C8orf34: variants seen among roughly 807,000 people sequenced by gnomAD.
C8orf34 encodes the protein chromosome 8 open reading frame 34, also known as uncharacterized protein C8orf34.
C8orf34 carries 65 observed loss-of-function variants against 68.3 expected under a neutral mutation model. That is an observed-to-expected ratio of 0.95 (90% CI 0.78 to 1.17). The LOEUF (loss-of-function observed/expected upper bound fraction) is 1.17. Ranked by LOEUF, C8orf34 falls within the 50% of genes most tolerant of loss-of-function variation. The pLI is 0.00. For missense variants in C8orf34, 664 were observed against 655.4 expected (o/e 1.01, Z -0.14); for synonymous variants, 244 against 241.2 (o/e 1.01, Z -0.11).
chr8:68,508,501 A>T (rs978003389), intron 5 of C8orf34, among the ~76,000 whole-genome samples: 1 of 152,184 alleles, frequency 6.6e-6, no homozygotes, highest in African/African-American at 2.4e-5. Flanking sequence ...GTACTAATTT[A>T]CTCCAAAACT....
intron 12 of C8orf34, chr8:68,791,378 C>G (rs747704135): frequency 1.3e-5 from 2 of 156,846 alleles, no homozygotes; most frequent in Non-Finnish European, 2.8e-5. Context: ...CCACCAGGCC[C>G]CTCTTCTGAC....
At chr8:68,725,104 C>A (rs1300029355) in intron 10 of C8orf34, among the ~76,000 whole-genome samples, 1 of 152,134 alleles carries the variant, frequency 6.6e-6, no homozygotes, top group Non-Finnish European at 1.5e-5. Flanking sequence ...TGGATTCAGG[C>A]AATCCTCCTT....
chr8:68,757,940 TA>T (rs1410055391), intron 10 of C8orf34, among the ~76,000 whole-genome samples: 1 of 152,186 alleles, frequency 6.6e-6, no homozygotes, highest in Non-Finnish European at 1.5e-5. Context: ...TTGAGATATG[TA>T]AAGTGCTTAA....
chr8:68,534,583 G>A (rs544535383), intron 7 of C8orf34: 3 of 962,388 alleles, frequency 3.1e-6, no homozygotes, highest in African/African-American at 3.5e-5. Flanking sequence ...GTTTCCTAGA[G>A]AAGCCGATTA....
chr8:68,417,337 G>A (rs1446060150), intron 1 of C8orf34, among the ~76,000 whole-genome samples: 1 of 151,918 alleles, frequency 6.6e-6, no homozygotes, highest in Non-Finnish European at 1.5e-5. Context: ...ATGCAAAATG[G>A]ACCATATATT....
chr8:68,550,854 G>A (rs533571568), intron 7 of C8orf34, among the ~76,000 whole-genome samples: 2 of 150,810 alleles, frequency 1.3e-5, no homozygotes, highest in East Asian at 3.9e-4. Context: ...GAAGTCAAAT[G>A]TAATTCTTAT....
chr8:68,537,209 G>A (rs934752089), intron 7 of C8orf34, among the ~76,000 whole-genome samples: 21 of 152,038 alleles, frequency 1.4e-4, no homozygotes, highest in African/African-American at 5.1e-4. Context: ...TTAAAAAGGA[G>A]AGAGAGGGAG....
chr8:68,423,479 A>C (rs1450090727), intron 1 of C8orf34, among the ~76,000 whole-genome samples: 1 of 152,146 alleles, frequency 6.6e-6, no homozygotes, highest in East Asian at 1.9e-4. Context: ...TTTTGGTCAA[A>C]GCCATTCAAC....
chr8:68,624,622 G>A (rs1393511392), intron 7 of C8orf34, among the ~76,000 whole-genome samples: 1 of 152,154 alleles, frequency 6.6e-6, no homozygotes, highest in African/African-American at 2.4e-5. Context: ...ATGGTGTTGT[G>A]ATCATTCACT....
chr8:68,461,442 G>A (rs1266376818), intron 3 of C8orf34, among the ~76,000 whole-genome samples: 6 of 152,194 alleles, frequency 3.9e-5, no homozygotes, highest in Admixed American at 6.5e-5. Flanking sequence ...TACTGAGAAC[G>A]CCACAAAGAT....
intron 5 of C8orf34, among the ~76,000 whole-genome samples, chr8:68,496,759 A>G (rs1350660919): frequency 6.6e-6 from 1 of 152,134 alleles, no homozygotes; most frequent in Non-Finnish European, 1.5e-5. Flanking sequence ...TTTTTTGGTC[A>G]GTAATTGGAG....
chr8:68,677,640 G>A (rs1798855171), intron 8 of C8orf34, among the ~76,000 whole-genome samples: 1 of 151,984 alleles, frequency 6.6e-6, no homozygotes, highest in African/African-American at 2.4e-5. Context: ...GCAGGCATGA[G>A]CCACCATGCC....
At chr8:68,770,835 A>G (rs1042549321) in intron 10 of C8orf34, among the ~76,000 whole-genome samples, 5 of 152,166 alleles carry the variant, frequency 3.3e-5, no homozygotes, top group Non-Finnish European at 7.4e-5. Context: ...TTTTAAGGCA[A>G]AGGCATTAAC....
intron 7 of C8orf34, among the ~76,000 whole-genome samples, chr8:68,615,851 T>C (rs1356755477): frequency 5.3e-5 from 8 of 151,896 alleles, no homozygotes; most frequent in African/African-American, 1.5e-4. Flanking sequence ...ATTGGAATAG[T>C]TTCAGAAGGA....
At chr8:68,718,420 A>G (rs1821538234) in intron 9 of C8orf34, among the ~76,000 whole-genome samples, 1 of 152,162 alleles carries the variant, frequency 6.6e-6, no homozygotes, top group Non-Finnish European at 1.5e-5. Flanking sequence ...TATATCAAAA[A>G]TGTGTTGCAG....
intron 1 of C8orf34, among the ~76,000 whole-genome samples, chr8:68,339,839 GA>G (rs1351152692): frequency 2.0e-5 from 3 of 151,656 alleles, no homozygotes; most frequent in African/African-American, 7.3e-5. Flanking sequence ...CAATTGTTAA[GA>G]AAATGAAAAG....
intron 7 of C8orf34, among the ~76,000 whole-genome samples, chr8:68,604,918 A>G (rs1817810440): frequency 6.6e-6 from 1 of 152,156 alleles, no homozygotes; most frequent in Admixed American, 6.6e-5. Flanking sequence ...CATAAAGACA[A>G]GAGGCACTGA....
chr8:68,780,848 A>G (rs1435262922), intron 11 of C8orf34, among the ~76,000 whole-genome samples: 1 of 152,218 alleles, frequency 6.6e-6, no homozygotes, highest in Non-Finnish European at 1.5e-5. Flanking sequence ...AAACTTTACA[A>G]ATTTAGCTGT....
intron 7 of C8orf34, among the ~76,000 whole-genome samples, chr8:68,536,574 C>T (rs1815486072): frequency 6.6e-6 from 1 of 151,636 alleles, no homozygotes; most frequent in Non-Finnish European, 1.5e-5. Flanking sequence ...TGATTATTCT[C>T]TTTATGATTG....
Sources: gnomAD v4.1 joint callset for allele counts (sites outside exome capture counted in the v4.1 genomes callset) on GRCh38, gnomAD v4.1.1 for gene constraint, MANE v1.5 for transcripts, NCBI Gene and HGNC (gene_info 2026-07-23, HGNC 2026-07-21) for gene names.